Variants in EIF4G1 observed in about 807,000 individuals in gnomAD.
The protein encoded by EIF4G1 is EIF4-gamma.
Under a neutral mutation model 187.8 loss-of-function variants are expected in EIF4G1, and 4 were observed. The observed-to-expected ratio is 0.02, with a 90% CI of 0.01 to 0.05. The LOEUF (loss-of-function observed/expected upper bound fraction) is 0.05. Ranked by LOEUF, EIF4G1 falls within the 10% of genes least tolerant of loss-of-function variation. The pLI is 1.00. For synonymous variants in EIF4G1, 844 were observed against 781.4 expected (o/e 1.08, Z -1.34); for missense variants, 1,647 against 2,081.1 (o/e 0.79, Z 4.06).
chr3:184,327,417 C>T lies in EIF4G1; in HGVS notation c.3630C>T (p.Leu1210=). 2 of 1,613,538 alleles carry T rather than the reference C, an allele frequency of 1.2e-6. No individual in the cohort carries two copies. Among genetic ancestry groups the T allele is most frequent in the African/African-American group, 1.3e-5 (1 of 75,046 alleles). Residue 1210 remains leucine (L), a synonymous_variant, in exon 24 of 33, where the codon CTC becomes CTT. Coordinates refer to ENST00000346169, the MANE Select transcript of EIF4G1 (RefSeq NM_198241.3). ...AGGGGCTGCGCAAGGCAGCTAGCCT[C>T]ACGGAGGATCGGGACCGTGGGCGGG... ...QPEGLRKAAS[L]TEDRDRGRDA... is the part of the protein sequence containing the mutation.
At chr3:184,315,278 A>G (rs1722544339) in intron 1 of EIF4G1, 1 of 458,034 alleles carries the variant, frequency 2.2e-6, no homozygotes, top group Non-Finnish European at 4.4e-6. Flanking sequence ...CTTCTGGCCC[A>G]GTGCGGGTTC....
chr3:184,321,580 C>G lies in EIF4G1; in HGVS notation c.996C>G (p.Ser332Arg). ...TACTGGAAGTAGAAGTGACACTTAG[C>G]AAACCGGTTCCAGAATCTGAGTTTT... ...EPILEVEVTL[S>R]KPVPESEFSS... The change falls in exon 10 of 33, where the codon AGC (serine) becomes AGG (arginine). Residue 332 changes from serine to arginine, a missense_variant. Coordinates refer to ENST00000346169, the MANE Select transcript of EIF4G1 (RefSeq NM_198241.3). 1 of 1,614,164 alleles carries G rather than the reference C, an allele frequency of 6.2e-7. No homozygotes were observed. Among genetic ancestry groups the G allele is most frequent in the Non-Finnish European group, 8.5e-7 (1 of 1,180,004 alleles).
rs17818331 is a variant in EIF4G1 at position 184,325,231 on chromosome 3, A to C, written c.2857-38A>C. The C allele has an allele frequency of 2.1e-5, 34 of 1,611,702 alleles. No individual in the cohort carries two copies. The Admixed American group carries it at 5.5e-4, about 26-fold the overall frequency. On this transcript the variant is annotated intron_variant, in intron 18 of 32. Coordinates refer to ENST00000346169, the MANE Select transcript of EIF4G1 (RefSeq NM_198241.3). The surrounding 1 kb of genome is among the most constrained non-coding windows in gnomAD (Gnocchi z 5.2). ...TGGGGCCTGCAGTTATAGGTGGGAC[A>C]TGAGAAGTTCCTGGTCTGATGCCTT...
intron 16 of EIF4G1, 44 bp downstream of exon 16, chr3:184,324,021 T>C: frequency 6.2e-7 from 1 of 1,612,376 alleles, no homozygotes; most frequent in Non-Finnish European, 8.5e-7. Flanking sequence ...TGGTTGCCCA[T>C]TCCTATTCCC....
At position 184,321,755 on chromosome 3, in the gene EIF4G1, C is replaced by T. The variant is rs1444395264; in HGVS notation, c.1171C>T (p.Pro391Ser). ...TCCCCCAGCTTGCCCCTCCGAATCC[C>T]CTGTGCCCATTGCTCCAACTGCCCA... is the stretch of plus-strand genomic sequence containing the variant. Reference protein sequence around the residue: ...APPPACPSESPVPIAPTAQPE... With the variant: ...APPPACPSESSVPIAPTAQPE... The change falls in exon 10 of 33, where the codon CCT (proline) becomes TCT (serine). Residue 391 changes from proline (P) to serine (S), a missense_variant. Physicochemically the swap from Pro to Ser is moderately conservative, Grantham distance 74. Transcript: ENST00000346169. 2 of 1,607,000 alleles carry T rather than the reference C, an allele frequency of 1.2e-6. No homozygotes were observed. Among genetic ancestry groups the T allele is most frequent in the Non-Finnish European group, 8.5e-7 (1 of 1,174,904 alleles).
In EIF4G1 at chr3:184,325,900, C is replaced by A. The variant is rs1303604880; in HGVS notation, c.3171C>A (p.Ile1057=). ...VDDGGWNTVP[I]SKGSRPIDTS... ...ATGGTGGCTGGAACACAGTTCCCAT[C>A]AGCAAAGGTAGCCGCCCCATTGACA... is the stretch of plus-strand genomic sequence containing the variant. The change falls in exon 21 of 33, where the codon ATC becomes ATA. Residue 1057 remains isoleucine (I), a synonymous_variant. Coordinates refer to ENST00000346169, the MANE Select transcript of EIF4G1 (RefSeq NM_198241.3). The surrounding 1 kb of genome is among the most constrained non-coding windows in gnomAD (Gnocchi z 5.2). 2 of 1,614,126 alleles carry A rather than the reference C, an allele frequency of 1.2e-6. No individual in the cohort carries two copies. The highest frequency in any genetic ancestry group is 4.5e-5 in the East Asian group (2 of 44,876).
chr3:184,322,814 C>CT lies in EIF4G1; in HGVS notation c.1796-5dup, dbSNP rs754793016. ...AGTATGATTGCTTCATTCTGTTTTCCTTGCAGATCAGTGGAAGCCTCTAAA... is the reference window on the plus strand; with the variant it reads ...AGTATGATTGCTTCATTCTGTTTTCCTTTGCAGATCAGTGGAAGCCTCTAAA... On this transcript the variant is annotated splice_polypyrimidine_tract_variant and splice_region_variant and intron_variant, in intron 12 of 32. Transcript: ENST00000346169. 3 of 1,614,170 alleles carry CT rather than the reference C, an allele frequency of 1.9e-6. No individual in the cohort carries two copies. Among genetic ancestry groups the CT allele is most frequent in the Non-Finnish European group, 1.7e-6 (2 of 1,180,034 alleles).
At chr3:184,322,239 C>G (rs1724027531) in intron 10 of EIF4G1, 123 bp from the exon 11 acceptor site, 1 of 1,533,550 alleles carries the variant, frequency 6.5e-7, no homozygotes, top group African/African-American at 1.4e-5. Flanking sequence ...GACTTTTAAG[C>G]CTAAAAAGGG....
rs1723788086 is a variant in EIF4G1, at chr3:184,320,924, C to T, written c.631-3C>T. The T allele has an allele frequency of 1.9e-6, 3 of 1,614,074 alleles. No individual in the cohort carries two copies. On this transcript the variant is annotated splice_region_variant and splice_polypyrimidine_tract_variant and intron_variant, in intron 8 of 32. Transcript: ENST00000346169. ...AAACTTGGTAACCCTTTGTGTCCTG[C>T]AGACGGGAGGCGGTCTGGAGCCTCA...
chr3:184,326,788 T>C, intron 22 of EIF4G1, 93 bp from the exon 23 acceptor site: 1 of 1,540,738 alleles, frequency 6.5e-7, no homozygotes, highest in East Asian at 2.2e-5. Context: ...GCTTTACTTT[T>C]GGGACTGGGA....
chr3:184,323,426 C>T lies in EIF4G1; in HGVS notation c.2107C>T (p.Arg703Cys), dbSNP rs575636507. The change falls in exon 15 of 33, where the codon CGC becomes TGC. Residue 703 changes from arginine to cysteine, a missense_variant. By Grantham distance (180) the Arg-to-Cys change is radical (BLOSUM62 -3). Transcript: ENST00000346169. This position sits in a 1 kb window ranked among gnomAD's most constrained non-coding sequence, Gnocchi z 6.9. ...TTAGCAGGCTGGCCTGGGACCCCGG[C>T]GCTCTCAGCAGGGACCCCGAAAAGA... Reference protein sequence around the residue: ...PRGPAGLGPRRSQQGPRKEPR... With the variant: ...PRGPAGLGPRCSQQGPRKEPR... 3 of 1,614,216 alleles carry T rather than the reference C, an allele frequency of 1.9e-6. No individual in the cohort carries two copies. Among genetic ancestry groups the T allele is most frequent in the Non-Finnish European group, 2.5e-6 (3 of 1,180,038 alleles).
chr3:184,327,169 T>G, intron 23 of EIF4G1, 47 bp from the exon 24 acceptor site: 1 of 1,607,466 alleles, frequency 6.2e-7, no homozygotes, highest in Non-Finnish European at 8.5e-7. Context: ...ATTACATGAG[T>G]GCCTGGGCAG....
At position 184,334,645 on chromosome 3, in the gene EIF4G1, A is replaced by C; in HGVS notation, c.4619-82A>C. The C allele has an allele frequency of 6.4e-7, 1 of 1,561,168 alleles. No individual in the cohort carries two copies. Among genetic ancestry groups the C allele is most frequent in the Non-Finnish European group, 8.8e-7 (1 of 1,134,612 alleles). Reference sequence around the variant, plus strand: ...TGGTGCATCAGGGCCTTGTTTGAACAGTGGAACTTGGGAGGGTTCCCTGGG... The same window carrying C: ...TGGTGCATCAGGGCCTTGTTTGAACCGTGGAACTTGGGAGGGTTCCCTGGG... On this transcript the variant is annotated intron_variant, in intron 32 of 32. Transcript: ENST00000346169. This position sits in a 1 kb window ranked among gnomAD's most constrained non-coding sequence, Gnocchi z 5.8.
In EIF4G1 at chr3:184,327,957, A is replaced by T; in HGVS notation, c.3908A>T (p.Gln1303Leu). 2 of 1,610,762 alleles carry T rather than the reference A, an allele frequency of 1.2e-6. No homozygotes were observed. The highest frequency in any genetic ancestry group is 8.5e-7 in the Non-Finnish European group (1 of 1,180,030). Residue 1303 changes from glutamine to leucine, a missense_variant, in exon 26 of 33, where the codon CAG becomes CTG. Coordinates refer to ENST00000346169, the MANE Select transcript of EIF4G1 (RefSeq NM_198241.3). The stretch of plus-strand genomic sequence containing the variant: ...GAGCATATGGGGCAGCTGCTGCACC[A>T]GCTGCTCTGTGCTGGGCATCTGTCT... The part of the protein sequence containing the change: ...AREHMGQLLH[Q>L]LLCAGHLSTA...
Position 184,334,569 on chromosome 3 carries a change from T to A in EIF4G1, c.4619-158T>A, listed in dbSNP as rs1263836069. Among the ~76,000 whole-genome samples the A allele has an allele frequency of 6.6e-6, 1 of 152,172 alleles. No homozygotes were observed. Among genetic ancestry groups the A allele is most frequent in the Non-Finnish European group, 1.5e-5 (1 of 68,036 alleles). ...GTGCAGCAGTCTCAGATCATGAGAT[T>A]AGCATCCTGTCAGAGGCCTAGTCAC... On this transcript the variant is annotated intron_variant, in intron 32 of 32. Transcript: ENST00000346169. The surrounding 1 kb of genome is among the most constrained non-coding windows in gnomAD (Gnocchi z 5.8).
At chr3:184,316,241 G>GT in intron 4 of EIF4G1, 23 bp downstream of exon 4, 1 of 1,613,572 alleles carries the variant, frequency 6.2e-7, no homozygotes, top group Non-Finnish European at 8.5e-7. Context: ...GGGGAGGGGA[G>GT]TAGGGGACCT....
chr3:184,315,501 C>T lies in EIF4G1; in HGVS notation c.-79C>T, dbSNP rs1423478671. ...CTCCCAACCCCAGGCCCTCGGATGC[C>T]CAGAACCTGTAGGCCGCACCGTGGA... On this transcript the variant is annotated 5_prime_UTR_variant, in exon 2 of 33. Transcript: ENST00000346169. 1 of 683,424 alleles carries T rather than the reference C, an allele frequency of 1.5e-6. No homozygotes were observed. The highest frequency in any genetic ancestry group is 1.8e-5 in the Admixed American group (1 of 56,304). 42.3% of individuals were successfully genotyped at this position (683,424 alleles called of 1,614,324 possible).
At chr3:184,332,454 G>GT (rs1372124517) in intron 32 of EIF4G1, among the ~76,000 whole-genome samples, 2 of 152,178 alleles carry the variant, frequency 1.3e-5, no homozygotes, top group Non-Finnish European at 2.9e-5. Context: ...AGGGTGGATG[G>GT]TATTACCCCT....
intron 10 of EIF4G1, 24 bp downstream of exon 10, chr3:184,322,127 G>A (rs1205784344): frequency 8.5e-5 from 137 of 1,613,950 alleles, no homozygotes; most frequent in Non-Finnish European, 1.1e-4. Flanking sequence ...GGACGGTAGA[G>A]GTAGGGCGGG....
Sources: allele counts gnomAD v4.1 joint callset (sites outside exome capture counted in the v4.1 genomes callset), GRCh38; gene constraint gnomAD v4.1.1; non-coding constraint Gnocchi (gnomAD v3.1); transcripts MANE v1.5; gene names NCBI Gene and HGNC (gene_info 2026-07-23, HGNC 2026-07-21).